The following MDM1 variants were observed in gnomAD, a reference collection of about 807,000 sequenced individuals.
The protein encoded by MDM1 is Mdm1 nuclear protein.
A neutral mutation model predicts 89.1 loss-of-function variants in MDM1; 61 were observed. The observed-to-expected ratio is 0.68, with a 90% CI of 0.56 to 0.85. The LOEUF (loss-of-function observed/expected upper bound fraction) is 0.85, where lower values mean the gene tolerates loss of function less well. Among genes scored for constraint, MDM1 ranks in the 40% least tolerant of loss-of-function variants. The pLI is 0.00. For synonymous variants in MDM1, 290 were observed against 294.1 expected (o/e 0.99, Z 0.14); for missense variants, 820 against 846.5 (o/e 0.97, Z 0.39).
rs555246423 is a variant in MDM1 at position 68,326,182 on chromosome 12, A to G, written c.498+475T>C. ...GGACCTGCTGCAGGCCAGCTGTGAC[A>G]TAAGAGAGCAGAAATGCAAGATCTC... On this transcript the variant is annotated intron_variant, in intron 3 of 14. Coordinates refer to ENST00000682720, the MANE Select transcript of MDM1 (RefSeq NM_001354969.2). 23 of 1,058,628 alleles carry G rather than the reference A, an allele frequency of 2.2e-5. No individual in the cohort carries two copies. The African/African-American group carries it at 3.0e-4, about 14-fold the overall frequency. 65.6% of individuals were successfully genotyped at this position (1,058,628 alleles called of 1,614,324 possible).
At chr12:68,302,984 G>GACACA in intron 12 of MDM1, 112 bp from the exon 13 acceptor site, 2 of 950,344 alleles carry the variant, frequency 2.1e-6, no homozygotes, top group East Asian at 2.7e-5. Context: ...GGAGAAATAT[G>GACACA]AGAGAATTTA....
intron 5 of MDM1, 124 bp downstream of exon 5, chr12:68,322,949 A>T: frequency 1.2e-6 from 1 of 837,774 alleles, no homozygotes; most frequent in Non-Finnish European, 1.8e-6. Context: ...TGAACATTTG[A>T]TGAACAAATG....
intron 2 of MDM1, 180 bp from the exon 3 acceptor site, chr12:68,327,201 ATATT>A (rs1805501258): frequency 7.2e-7 from 1 of 1,397,880 alleles, no homozygotes; most frequent in African/African-American, 1.4e-5. Flanking sequence ...TCAACATAAA[ATATT>A]TAATTTTGCT....
At chr12:68,313,926 G>A (rs1874081451) in intron 10 of MDM1, among the ~76,000 whole-genome samples, 173 bp from the exon 11 acceptor site, 1 of 152,194 alleles carries the variant, frequency 6.6e-6, no homozygotes, top group Non-Finnish European at 1.5e-5. Flanking sequence ...CGGATCAGGA[G>A]ATCGAGACCA....
chr12:68,322,407 CG>C (rs1209323338), intron 5 of MDM1, among the ~76,000 whole-genome samples: 1 of 152,094 alleles, frequency 6.6e-6, no homozygotes, highest in Admixed American at 6.5e-5. Context: ...CCAAGGTAGG[CG>C]GATCACCTGA....
At position 68,315,021 on chromosome 12, in the gene MDM1, T is replaced by C. The variant is rs1874267407; in HGVS notation, c.1456A>G (p.Lys486Glu). 3.7e-6 allele frequency: 6 copies of C among 1,614,188 alleles called. No individual in the cohort carries two copies. In the East Asian group the frequency reaches 1.3e-4, roughly 36 times the overall value. Reference protein sequence around the residue: ...NEEEGDRKTGKQAFMGEQEKL... With the variant: ...NEEEGDRKTGEQAFMGEQEKL... ...TCTTGCTCTCCCATAAAAGCCTGCT[T>C]GCCCGTTTTCCTGTCCCCTTCCTCT... The change falls in exon 10 of 15, where the codon AAG becomes GAG. Residue 486 changes from lysine to glutamate, a missense_variant. Physicochemically the swap from Lys to Glu is moderately conservative, Grantham distance 56. Coordinates refer to ENST00000682720, the MANE Select transcript of MDM1 (RefSeq NM_001354969.2).
chr12:68,327,181 G>C, intron 2 of MDM1, 160 bp from the exon 3 acceptor site: 3 of 1,390,508 alleles, frequency 2.2e-6, no homozygotes, highest in Non-Finnish European at 1.9e-6. Context: ...GATTTTAAAA[G>C]TACAGCTTTT....
At chr12:68,298,484 C>A (rs1337493902) in intron 13 of MDM1, among the ~76,000 whole-genome samples, 2 of 152,274 alleles carry the variant, frequency 1.3e-5, no homozygotes, top group African/African-American at 2.4e-5. Context: ...TCCCCTTGTC[C>A]ACCACTGCAG....
intron 5 of MDM1, among the ~76,000 whole-genome samples, chr12:68,322,467 C>A (rs1875356861): frequency 6.6e-6 from 1 of 152,056 alleles, no homozygotes; most frequent in Admixed American, 6.6e-5. Context: ...ACCCGCATCT[C>A]TACTAAAAAT....
At position 68,314,988 on chromosome 12, in the gene MDM1, C is replaced by G; in HGVS notation, c.1489G>C (p.Asp497His). ...QAFMGEQEKL[D>H]VREKSKADKM... ...TCTGCCTTAGATTTCTCACGTACAT[C>G]CAACTTCTCTTGCTCTCCCATAAAA... Residue 497 changes from aspartate (D) to histidine (H), a missense_variant, in exon 10 of 15, where the codon GAT (aspartate) becomes CAT (histidine). Asp to His is a moderately conservative substitution (Grantham distance 81). Transcript: ENST00000682720. 6.2e-7 allele frequency: 1 copy of G among 1,614,122 alleles called. No homozygotes were observed. Among genetic ancestry groups the G allele is most frequent in the African/African-American group, 1.3e-5 (1 of 75,024 alleles).
rs760204799 is a variant in MDM1, at chr12:68,295,356, T to C, written c.2073A>G (p.Arg691=). The C allele has an allele frequency of 6.2e-7, 1 of 1,605,592 alleles. No homozygotes were observed. The highest frequency in any genetic ancestry group is 8.5e-7 in the Non-Finnish European group (1 of 1,175,060). ...HEAFNDEDED[R]LSEISARSAA... Reference sequence around the variant, plus strand: ...CAGAGCGAGCAGAAATCTCAGACAATCTGTCCTCATCTGCAATGAAAAAAT... The same window carrying C: ...CAGAGCGAGCAGAAATCTCAGACAACCTGTCCTCATCTGCAATGAAAAAAT... Residue 691 remains arginine (R), a synonymous_variant, in exon 15 of 15, where the codon AGA becomes AGG. Coordinates refer to ENST00000682720, the MANE Select transcript of MDM1 (RefSeq NM_001354969.2).
intron 12 of MDM1, among the ~76,000 whole-genome samples, chr12:68,310,529 A>G (rs1053292283): frequency 1.3e-5 from 2 of 152,200 alleles, no homozygotes; most frequent in East Asian, 3.8e-4. Flanking sequence ...CTGGATTTCT[A>G]AGGAGGAGTA....
Position 68,332,239 on chromosome 12 carries a change from C to G in MDM1, c.7G>C (p.Val3Leu). MP[V>L]RFKGLSEYQR... ...GACCCCAGCCTCACCTTGAAGCGCA[C>G]CGGCATGTCGCCCGGCGCCGGAGCC... The change falls in exon 1 of 15, where the codon GTG becomes CTG. Residue 3 changes from valine (V) to leucine (L), a missense_variant. By Grantham distance (32) the Val-to-Leu change is conservative (BLOSUM62 1). Transcript: ENST00000682720. The G allele has an allele frequency of 1.3e-6, 2 of 1,583,220 alleles. No individual in the cohort carries two copies. The highest frequency in any genetic ancestry group is 1.7e-6 in the Non-Finnish European group (2 of 1,165,652).
chr12:68,316,488 G>T, intron 8 of MDM1, 93 bp downstream of exon 8: 2 of 1,092,482 alleles, frequency 1.8e-6, no homozygotes, highest in Non-Finnish European at 2.6e-6. Flanking sequence ...ATTCATAGCA[G>T]CTAAGAAAAA....
intron 1 of MDM1, chr12:68,331,944 G>A: frequency 1.5e-6 from 1 of 682,750 alleles, no homozygotes; most frequent in East Asian, 2.8e-5. Flanking sequence ...TCTTCGCAAA[G>A]GGACCTCCTC....
intron 12 of MDM1, among the ~76,000 whole-genome samples, chr12:68,310,480 A>G (rs978885620): frequency 6.6e-6 from 1 of 152,222 alleles, no homozygotes; most frequent in African/African-American, 2.4e-5. Context: ...AGCTGTGTGT[A>G]TACAGTTGCC....
chr12:68,316,129 G>C lies in MDM1; in HGVS notation c.1160C>G (p.Thr387Arg), dbSNP rs1306709146. ...GCTACTAACGGTTCCTTCTGAGCTT[G>C]TGGTTGAGGAGACATCCCAACAGCA... The part of the protein sequence containing the change: ...SNCCWDVSST[T>R]SSEGTVSSNI... Residue 387 changes from threonine to arginine, a missense_variant, in exon 9 of 15, where the codon ACA becomes AGA. By Grantham distance (71) the Thr-to-Arg change is moderately conservative. Coordinates refer to ENST00000682720, the MANE Select transcript of MDM1 (RefSeq NM_001354969.2). The C allele has an allele frequency of 6.2e-7, 1 of 1,613,900 alleles. No homozygotes were observed. Among genetic ancestry groups the C allele is most frequent in the East Asian group, 2.2e-5 (1 of 44,872 alleles).
At chr12:68,316,486 C>G in intron 8 of MDM1, 95 bp downstream of exon 8, 4 of 1,058,518 alleles carry the variant, frequency 3.8e-6, no homozygotes. Context: ...AAATTCATAG[C>G]AGCTAAGAAA....
intron 2 of MDM1, among the ~76,000 whole-genome samples, chr12:68,330,055 T>C (rs1396727809): frequency 6.6e-6 from 1 of 152,154 alleles, no homozygotes; most frequent in Admixed American, 6.5e-5. Context: ...TCAGCTCAAA[T>C]ATCACCTCCT....
Sources: allele counts gnomAD v4.1 joint callset (sites outside exome capture counted in the v4.1 genomes callset), GRCh38; gene constraint gnomAD v4.1.1; transcripts MANE v1.5; gene names NCBI Gene and HGNC (gene_info 2026-07-23, HGNC 2026-07-21).